ESRRG: variants seen among roughly 807,000 people sequenced by gnomAD.
ESRRG encodes the protein estrogen related receptor gamma, also known as estrogen-related receptor gamma.
Under a neutral mutation model 44.0 loss-of-function variants are expected in ESRRG, and 13 were observed. The ratio of observed to expected loss-of-function variants is 0.30; its 90% CI spans 0.19 to 0.47. ESRRG has a LOEUF of 0.47. ESRRG is among the 20% of genes least tolerant of loss of function. The pLI, the probability that ESRRG is intolerant of heterozygous loss-of-function variation, is 1.00. For synonymous variants in ESRRG, 215 were observed against 214.6 expected (o/e 1.00, Z -0.02); for missense variants, 395 against 580.6 (o/e 0.68, Z 3.29).
At chr1:217,085,677 G>T (rs12026063) in intron 1 of ESRRG, among the ~76,000 whole-genome samples, 3 of 151,494 alleles carry the variant, frequency 2.0e-5, no homozygotes, top group Non-Finnish European at 4.4e-5. Context: ...TTTTGGTAGA[G>T]ACAGGGTTTC....
rs749847047 is a variant in ESRRG, at chr1:216,916,834, C to CTTTTTT, written c.-14+22742_-14+22747dup. Among the ~76,000 whole-genome samples, 28 of 62,478 alleles carry CTTTTTT rather than the reference C, an allele frequency of 4.5e-4. 7 individuals are homozygous for CTTTTTT. The highest frequency in any genetic ancestry group is 6.1e-4 in the Non-Finnish European group (22 of 35,816). The allele number at this position is 62,478 out of a possible 152,430, so 41.0% of individuals were successfully genotyped here. On this transcript the variant is annotated intron_variant, in intron 2 of 7. Transcript: ENST00000359162. ...GGTTCAAATTCCACTCAGCTTTGGT[C>CTTTTTT]TTTTTTTTTTTTTTTTTTTTTTTTT... is the stretch of plus-strand genomic sequence containing the variant.
At chr1:216,771,789 C>T (rs1037895072) in intron 2 of ESRRG, among the ~76,000 whole-genome samples, 2 of 145,362 alleles carry the variant, frequency 1.4e-5, no homozygotes, top group Non-Finnish European at 1.5e-5. Flanking sequence ...AATTTAATTA[C>T]AGTATTTTTA....
rs1179751256 is a variant in ESRRG, at chr1:216,785,377, G to A, written c.-13-107886C>T. Among the ~76,000 whole-genome samples the A allele has an allele frequency of 2.6e-5, 4 of 152,010 alleles. No individual in the cohort carries two copies. In the South Asian group the frequency reaches 6.2e-4, roughly 24 times the overall value. On this transcript the variant is annotated intron_variant, in intron 2 of 7. Transcript: ENST00000359162. ...CTGAGCAGGGTGTAGGAATAGACAC[G>A]CAGCTTGCACCATCAGCAAAATGTC...
At chr1:216,706,995 C>G (rs1454729769) in intron 1 of ESRRG, among the ~76,000 whole-genome samples, 5 of 152,126 alleles carry the variant, frequency 3.3e-5, no homozygotes, top group African/African-American at 1.2e-4. Flanking sequence ...TGGGAACTAC[C>G]AGGCAGTGTT....
intron 5 of ESRRG, among the ~76,000 whole-genome samples, chr1:216,535,916 T>C (rs954726979): frequency 6.6e-6 from 1 of 152,046 alleles, no homozygotes; most frequent in Non-Finnish European, 1.5e-5. Context: ...TTCATCTCCA[T>C]TCCACTAAAG....
intron 1 of ESRRG, among the ~76,000 whole-genome samples, chr1:216,687,443 C>T (rs1447187405): frequency 1.3e-5 from 2 of 152,104 alleles, no homozygotes; most frequent in East Asian, 1.9e-4. Context: ...GTTAGTTGCT[C>T]GCTCAAAGAA....
At chr1:217,047,083 C>T (rs1474748605) in intron 1 of ESRRG, among the ~76,000 whole-genome samples, 1 of 151,924 alleles carries the variant, frequency 6.6e-6, no homozygotes, top group African/African-American at 2.4e-5. Flanking sequence ...AATATACTTA[C>T]ATAACATCTG....
chr1:216,775,300 A>AATTC (rs1576409054), intron 2 of ESRRG, among the ~76,000 whole-genome samples: 2 of 151,934 alleles, frequency 1.3e-5, no homozygotes, highest in East Asian at 3.9e-4. Context: ...TTATTATAGG[A>AATTC]ATTCACTCAT....
At chr1:216,788,745 G>A (rs1238712281) in intron 2 of ESRRG, among the ~76,000 whole-genome samples, 1 of 152,112 alleles carries the variant, frequency 6.6e-6, no homozygotes, top group East Asian at 1.9e-4. Flanking sequence ...AAACCTTTTT[G>A]TAGAGGATTC....
chr1:216,670,785 T>G (rs968648921), intron 2 of ESRRG, among the ~76,000 whole-genome samples: 1 of 152,018 alleles, frequency 6.6e-6, no homozygotes, highest in Non-Finnish European at 1.5e-5. Context: ...GTCCACACTA[T>G]GTACAAGATT....
chr1:216,825,718 T>C (rs1401144530), intron 2 of ESRRG, among the ~76,000 whole-genome samples: 10 of 152,212 alleles, frequency 6.6e-5, no homozygotes, highest in Non-Finnish European at 1.0e-4. Flanking sequence ...TGAGATTGCT[T>C]ATGCTCTACA....
At chr1:216,751,942 G>A (rs1288895104) in intron 2 of ESRRG, among the ~76,000 whole-genome samples, 1 of 152,096 alleles carries the variant, frequency 6.6e-6, no homozygotes, top group Non-Finnish European at 1.5e-5. Context: ...AACCACCAGA[G>A]TGAGAGTCAT....
chr1:216,588,877 C>G (rs1013710858), intron 3 of ESRRG, among the ~76,000 whole-genome samples: 1 of 152,162 alleles, frequency 6.6e-6, no homozygotes, highest in Non-Finnish European at 1.5e-5. Flanking sequence ...GGGTACTTCT[C>G]TGAGGACTTT....
At chr1:216,776,293 C>G (rs75573636) in intron 2 of ESRRG, among the ~76,000 whole-genome samples, 205 of 152,166 alleles carry the variant, frequency 1.3e-3, no homozygotes, top group African/African-American at 4.8e-3. Flanking sequence ...CATACGGCAA[C>G]CACTCCCCAC....
chr1:216,506,626 A>T lies in ESRRG; in HGVS notation c.*313T>A, dbSNP rs1430561881. On this transcript the variant is annotated 3_prime_UTR_variant, in exon 7 of 7. Transcript: ENST00000408911. ...AAAGAAGGCAGGCAGACGGGAAGAA[A>T]ATAAAGGAGAATGGGAACTAGGAAT... The T allele has an allele frequency of 6.0e-6, 3 of 499,082 alleles. No individual in the cohort carries two copies. Among genetic ancestry groups the T allele is most frequent in the Non-Finnish European group, 1.2e-5 (3 of 256,166 alleles). 30.9% of individuals were successfully genotyped at this position (499,082 alleles called of 1,614,324 possible). A position where few individuals can be genotyped will look rare whatever the true frequency, so the allele number is the denominator to read the frequency against.
intron 2 of ESRRG, among the ~76,000 whole-genome samples, chr1:216,932,532 G>GGT (rs144794763): frequency 6.6e-5 from 10 of 151,236 alleles, no homozygotes; most frequent in East Asian, 1.9e-4. Flanking sequence ...TTTTGGTAGG[G>GGT]GTGTGTGTGT....
intron 1 of ESRRG, among the ~76,000 whole-genome samples, chr1:216,960,734 T>A (rs1281539293): frequency 6.6e-6 from 1 of 152,074 alleles, no homozygotes; most frequent in Non-Finnish European, 1.5e-5. Context: ...TATAGGTGCA[T>A]GCCACCATGC....
At chr1:216,991,165 GGTAAAACA>G (rs773027002) in intron 1 of ESRRG, among the ~76,000 whole-genome samples, 2,554 of 152,132 alleles carry the variant, frequency 0.017, 27 homozygotes, top group Non-Finnish European at 0.027. Context: ...GATGATCTGA[GGTAAAACA>G]GTTTCATCCC....
intron 2 of ESRRG, among the ~76,000 whole-genome samples, chr1:216,818,748 C>T (rs1394695199): frequency 2.6e-5 from 4 of 152,108 alleles, no homozygotes; most frequent in Non-Finnish European, 5.9e-5. Flanking sequence ...AGCTATTCTT[C>T]CAGATGCTCT....
Sources: gnomAD v4.1 joint callset for allele counts (sites outside exome capture counted in the v4.1 genomes callset) on GRCh38, gnomAD v4.1.1 for gene constraint, MANE v1.5 for transcripts, NCBI Gene and HGNC (gene_info 2026-07-23, HGNC 2026-07-21) for gene names.